The following SLC30A7 variants were observed in gnomAD, a reference collection of about 807,000 sequenced individuals.
SLC30A7 encodes the protein zinc transporter 7.
Under a neutral mutation model 46.0 loss-of-function variants are expected in SLC30A7, and 35 were observed. The observed-to-expected ratio is 0.76, with a 90% confidence interval of 0.58 to 1.01. The LOEUF (loss-of-function observed/expected upper bound fraction) is 1.01. Ranked by LOEUF, SLC30A7 falls within the 50% of genes least tolerant of loss-of-function variation. The pLI, the probability that SLC30A7 is intolerant of heterozygous loss-of-function variation, is 0.00. For synonymous variants in SLC30A7, 147 were observed against 157.8 expected, an observed-to-expected ratio of 0.93 and a Z score of 0.51; for missense variants, 464 against 451.1, an observed-to-expected ratio of 1.03 and a Z score of -0.26.
the SLC30A7 span, chr1:100,990,418 T>C: frequency 3.1e-6 from 5 of 1,613,582 alleles, no homozygotes; most frequent in African/African-American, 2.7e-5. Context: ...TCAAAGTCCA[T>C]TGATGCTTTG....
rs143247529 is a variant in SLC30A7, at chr1:100,897,388, T to A, written c.182+717T>A. Among the ~76,000 whole-genome samples, 792 of 152,256 alleles carry A rather than the reference T, an allele frequency of 5.2e-3. 18 individuals are homozygous for A. Among genetic ancestry groups the A allele is most frequent in the East Asian group, 0.05 (260 of 5,172 alleles). ...TGCTGTTGAGTAACTTAAGGTCTTA[T>A]GAAGTTGTTCTGCTAACAAGACTGT... On this transcript the variant is annotated intron_variant, in intron 2 of 10. Coordinates refer to ENST00000357650, the MANE Select transcript of SLC30A7 (RefSeq NM_133496.5).
At chr1:100,948,115 C>G (rs1243462945) in intron 8 of SLC30A7, among the ~76,000 whole-genome samples, 1 of 152,062 alleles carries the variant, frequency 6.6e-6, no homozygotes, top group Non-Finnish European at 1.5e-5. Flanking sequence ...TTATTTTGCC[C>G]ATTAATTGAT....
At chr1:100,954,216 A>C (rs1655113073) in intron 8 of SLC30A7, among the ~76,000 whole-genome samples, 1 of 152,310 alleles carries the variant, frequency 6.6e-6, no homozygotes, top group African/African-American at 2.4e-5. Context: ...AACTGTGATG[A>C]GATACTGCAG....
At chr1:100,927,876 C>T (rs185160790) in intron 8 of SLC30A7, among the ~76,000 whole-genome samples, 151 of 148,182 alleles carry the variant, frequency 1.0e-3, no homozygotes, top group Admixed American at 2.0e-3. Context: ...AGCCTATCTT[C>T]CCTGTTTGGG....
intron 4 of SLC30A7, 107 bp from the exon 5 acceptor site, chr1:100,912,005 T>G: frequency 9.6e-7 from 1 of 1,040,450 alleles, no homozygotes; most frequent in Non-Finnish European, 1.4e-6. Context: ...TTTTAGTGTT[T>G]TTAATTCCAA....
chr1:100,981,275 C>T lies in SLC30A7; in HGVS notation c.*6418C>T, dbSNP rs1044465414. The T allele has an allele frequency of 6.6e-6, 1 of 152,106 alleles. No individual in the cohort carries two copies. The highest frequency in any genetic ancestry group is 2.4e-5 in the African/African-American group (1 of 41,440). 9.4% of individuals were successfully genotyped at this position (152,106 alleles called of 1,614,324 possible). ...TTCATTGCTTCCTTTGATAGCAATT[C>T]AGTGAAATTTTTTCCCAAGTGATAT... On this transcript the variant is annotated 3_prime_UTR_variant, in exon 11 of 11. Coordinates refer to ENST00000357650, the MANE Select transcript of SLC30A7 (RefSeq NM_133496.5).
chr1:100,967,405 C>T (rs1193883104), intron 10 of SLC30A7, among the ~76,000 whole-genome samples: 1 of 152,066 alleles, frequency 6.6e-6, no homozygotes, highest in Non-Finnish European at 1.5e-5. Context: ...GAATCTAATG[C>T]CACAGTTCAC....
At chr1:100,937,571 T>C (rs530447196) in intron 8 of SLC30A7, among the ~76,000 whole-genome samples, 71 of 152,354 alleles carry the variant, frequency 4.7e-4, no homozygotes, top group African/African-American at 1.6e-3. Flanking sequence ...TAATGATTAC[T>C]GATGTTGAAC....
downstream of SLC30A7, among the ~76,000 whole-genome samples, chr1:100,986,630 A>C (rs750742546): frequency 2.0e-5 from 3 of 152,218 alleles, no homozygotes; most frequent in Non-Finnish European, 4.4e-5. Flanking sequence ...ATATCAGGCA[A>C]AAACCTGTTA....
At chr1:100,940,453 A>AG (rs1484514467) in intron 8 of SLC30A7, among the ~76,000 whole-genome samples, 2 of 152,230 alleles carry the variant, frequency 1.3e-5, no homozygotes, top group Non-Finnish European at 2.9e-5. Flanking sequence ...ATAAGAAGAA[A>AG]GCATCATAAG....
intron 8 of SLC30A7, among the ~76,000 whole-genome samples, chr1:100,927,131 T>G (rs1653357953): frequency 6.6e-6 from 1 of 152,136 alleles, no homozygotes; most frequent in South Asian, 2.1e-4. Context: ...TCTCTAGAGT[T>G]CAGGGAGCAG....
chr1:100,946,754 T>C (rs1309609269), intron 8 of SLC30A7, among the ~76,000 whole-genome samples: 1 of 152,198 alleles, frequency 6.6e-6, no homozygotes, highest in Non-Finnish European at 1.5e-5. Context: ...TTCTTTTTTT[T>C]GTAGTGTCTC....
intron 8 of SLC30A7, among the ~76,000 whole-genome samples, chr1:100,930,017 A>G (rs541370743): frequency 5.9e-5 from 9 of 152,132 alleles, no homozygotes; most frequent in African/African-American, 9.6e-5. Flanking sequence ...GGCAATTTAC[A>G]TAGATCTGTA....
chr1:100,924,545 T>G lies in SLC30A7; in HGVS notation c.842+2704T>G, dbSNP rs143903897. Among the ~76,000 whole-genome samples, 248 of 152,242 alleles carry G rather than the reference T, an allele frequency of 1.6e-3. 5 individuals are homozygous for G. The highest frequency in any genetic ancestry group is 2.6e-4 in the Non-Finnish European group (18 of 68,010). On this transcript the variant is annotated intron_variant, in intron 8 of 10. Transcript: ENST00000357650. The stretch of plus-strand genomic sequence containing the variant: ...CTGGGTTGATTGCATGTATAGCACC[T>G]TCTACTGTAGTACCCTTTTCATGGC...
At chr1:100,937,830 A>T (rs1654065529) in intron 8 of SLC30A7, among the ~76,000 whole-genome samples, 1 of 152,166 alleles carries the variant, frequency 6.6e-6, no homozygotes, top group Non-Finnish European at 1.5e-5. Flanking sequence ...AACCAAACCA[A>T]TGTCATGAAG....
intron 8 of SLC30A7, among the ~76,000 whole-genome samples, chr1:100,948,520 C>T (rs192996297): frequency 2.0e-5 from 3 of 152,192 alleles, no homozygotes; most frequent in Middle Eastern, 3.4e-3. Context: ...AATTGTGTGT[C>T]TTGGGGTTGG....
chr1:100,901,314 CCCTT>C (rs1156502252), intron 2 of SLC30A7, among the ~76,000 whole-genome samples: 17 of 150,508 alleles, frequency 1.1e-4, no homozygotes, highest in African/African-American at 3.4e-4. Context: ...TTCTCTTTCT[CCCTT>C]CCTTTGTTTT....
intron 10 of SLC30A7, chr1:100,972,636 T>G (rs1252537879): frequency 2.0e-5 from 3 of 152,138 alleles, no homozygotes; most frequent in Non-Finnish European, 4.4e-5. Context: ...TAAAAGAAAT[T>G]AAGACAATTT....
chr1:100,924,739 T>C (rs1016541379), intron 8 of SLC30A7, among the ~76,000 whole-genome samples: 5 of 151,976 alleles, frequency 3.3e-5, no homozygotes, highest in Non-Finnish European at 5.9e-5. Flanking sequence ...GTTTTTTTTT[T>C]CAACCTCAGA....
Sources: gnomAD v4.1 joint callset for allele counts (sites outside exome capture counted in the v4.1 genomes callset) on GRCh38, gnomAD v4.1.1 for gene constraint, MANE v1.5 for transcripts, NCBI Gene and HGNC (gene_info 2026-07-23, HGNC 2026-07-21) for gene names.